Variants in LARP6 observed in about 807,000 individuals in gnomAD.
The protein encoded by LARP6 is La ribonucleoprotein 6, translational regulator.
LARP6 carries 18 observed loss-of-function variants against 32.8 expected under a neutral mutation model. That is an observed-to-expected ratio of 0.55 (90% confidence interval 0.38 to 0.81). The LOEUF (loss-of-function observed/expected upper bound fraction) is 0.81, where lower values mean the gene tolerates loss of function less well. Ranked by LOEUF, LARP6 falls within the 40% of genes least tolerant of loss-of-function variation. LARP6 has a pLI of 0.00. For missense variants in LARP6, 598 were observed against 663.1 expected, an observed-to-expected ratio of 0.90 and a Z score of 1.08; for synonymous variants, 289 against 267.2, an observed-to-expected ratio of 1.08 and a Z score of -0.80.
chr15:70,832,572 G>A lies in LARP6; in HGVS notation c.956C>T (p.Ser319Phe). 6.3e-7 allele frequency: 1 copy of A among 1,577,934 alleles called. No individual in the cohort carries two copies. The highest frequency in any genetic ancestry group is 8.6e-7 in the Non-Finnish European group (1 of 1,166,260). ...AAGCTCCTCGACTCTCTTGTTCAGGGACTTGTTCAGGTGGATGCTCGCAGT... is the reference window on the plus strand; with the variant it reads ...AAGCTCCTCGACTCTCTTGTTCAGGAACTTGTTCAGGTGGATGCTCGCAGT... ...EPTASIHLNKSLNKRVEELQY... is the reference protein window; with the variant it reads ...EPTASIHLNKFLNKRVEELQY... The change falls in exon 3 of 3, where the codon TCC becomes TTC. Residue 319 changes from serine (S) to phenylalanine (F), a missense_variant. Around this residue, in one of 3 missense-constraint regions of LARP6, gnomAD observed 368 missense variants for 397.9 expected, o/e 0.92. Coordinates refer to ENST00000299213, the MANE Select transcript of LARP6 (RefSeq NM_018357.4).
At chr15:70,835,039 T>C (rs1430559634) in intron 2 of LARP6, among the ~76,000 whole-genome samples, 1 of 152,182 alleles carries the variant, frequency 6.6e-6, no homozygotes, top group African/African-American at 2.4e-5. Flanking sequence ...TTGGGGTCCC[T>C]GGGGAGGAAT....
chr15:70,831,460 A>T lies in LARP6; in HGVS notation c.*592T>A, dbSNP rs531214095. ...GAAAGATGTCTCTGCTAAGCTCCTC[A>T]GGGCCTCATGACATACCACCCACAG... is the stretch of plus-strand genomic sequence containing the variant. On this transcript the variant is annotated 3_prime_UTR_variant, in exon 3 of 3. Coordinates refer to ENST00000299213, the MANE Select transcript of LARP6 (RefSeq NM_018357.4). The T allele has an allele frequency of 1.3e-5, 2 of 152,340 alleles. No homozygotes were observed. Among genetic ancestry groups the T allele is most frequent in the South Asian group, 4.1e-4 (2 of 4,826 alleles). The allele number at this position is 152,340 out of a possible 1,614,324, so 9.4% of individuals were successfully genotyped here.
chr15:70,837,731 C>T (rs2032174149), intron 1 of LARP6, among the ~76,000 whole-genome samples: 1 of 152,154 alleles, frequency 6.6e-6, no homozygotes, highest in Admixed American at 6.5e-5. Context: ...AGCCATCTGC[C>T]TTGGCCTCCC....
rs1180547829 is a variant in LARP6, at chr15:70,854,123, C to A, written c.-35G>T. ...GACTGCGGCGCCGCCGGGGTCCTCA[C>A]GCCGCAAGGCCCAGCCAGCCGGTCG... On this transcript the variant is annotated 5_prime_UTR_variant, in exon 1 of 3. Transcript: ENST00000299213. 33 of 1,222,804 alleles carry A rather than the reference C, an allele frequency of 2.7e-5. No homozygotes were observed. Among genetic ancestry groups the A allele is most frequent in the Non-Finnish European group, 3.2e-5 (31 of 978,992 alleles). 75.7% of individuals were successfully genotyped at this position (1,222,804 alleles called of 1,614,324 possible). A position where few individuals can be genotyped will look rare whatever the true frequency, so the allele number is the denominator to read the frequency against.
intron 1 of LARP6, among the ~76,000 whole-genome samples, chr15:70,844,895 A>G (rs1351152745): frequency 6.6e-6 from 1 of 152,184 alleles, no homozygotes; most frequent in Non-Finnish European, 1.5e-5. Flanking sequence ...TTTTGTTTCA[A>G]CATCATCACC....
Position 70,832,862 on chromosome 15 carries a change from C to A in LARP6, c.666G>T (p.Gly222=). Residue 222 remains glycine, a synonymous_variant, in exon 3 of 3, where the codon GGG becomes GGT. Transcript: ENST00000299213. ...GCACTGATGAGATGACTCCAAAAGT[C>A]CCAAAAAGCTTGAGCAGGTGTTCCA... ...KVMEHLLKLF[G]TFGVISSVRI... is the part of the protein sequence containing the mutation. 6.2e-7 allele frequency: 1 copy of A among 1,611,966 alleles called. No individual in the cohort carries two copies. Among genetic ancestry groups the A allele is most frequent in the Non-Finnish European group, 8.5e-7 (1 of 1,179,328 alleles).
At chr15:70,849,930 T>TA (rs918216802) in intron 1 of LARP6, among the ~76,000 whole-genome samples, 19 of 151,686 alleles carry the variant, frequency 1.3e-4, no homozygotes, top group South Asian at 8.3e-4. Flanking sequence ...AAGCTTTTTT[T>TA]AAAAAAAAAT....
intron 1 of LARP6, among the ~76,000 whole-genome samples, chr15:70,837,563 T>C (rs1048934601): frequency 3.3e-5 from 5 of 152,184 alleles, no homozygotes; most frequent in African/African-American, 1.2e-4. Context: ...GGTAAGATCA[T>C]CCATATTTAT....
chr15:70,847,450 A>G (rs1037991680), intron 1 of LARP6, among the ~76,000 whole-genome samples: 28 of 151,876 alleles, frequency 1.8e-4, no homozygotes, highest in African/African-American at 6.8e-4. Flanking sequence ...GCTCACTGCA[A>G]CCTCTGCCTC....
At chr15:70,853,833 G>A in intron 1 of LARP6, 56 bp downstream of exon 1, 6 of 1,181,542 alleles carry the variant, frequency 5.1e-6, no homozygotes, top group East Asian at 3.5e-5. Context: ...CCCCGAACTC[G>A]CGCGCGGCCC....
chr15:70,843,649 C>CTTTTTTTTTTTTT (rs67996815), intron 1 of LARP6, among the ~76,000 whole-genome samples: 2 of 80,590 alleles, frequency 2.5e-5, no homozygotes, highest in Admixed American at 1.9e-4. Context: ...GTTTTGGTGT[C>CTTTTTTTTTTTTT]TTTTTTTTTT....
At chr15:70,834,258 A>G (rs2032107849) in intron 2 of LARP6, among the ~76,000 whole-genome samples, 1 of 152,214 alleles carries the variant, frequency 6.6e-6, no homozygotes, top group Admixed American at 6.5e-5. Flanking sequence ...GAGAGAGAGC[A>G]CTGTCCACTG....
intron 1 of LARP6, among the ~76,000 whole-genome samples, chr15:70,845,928 G>A (rs974740100): frequency 5.3e-5 from 8 of 152,344 alleles, no homozygotes; most frequent in Admixed American, 1.3e-4. Context: ...CTAGATCTCC[G>A]TAGTGAGCTC....
At chr15:70,837,028 C>A (rs1464219070) in intron 1 of LARP6, among the ~76,000 whole-genome samples, 2 of 152,050 alleles carry the variant, frequency 1.3e-5, no homozygotes, top group Non-Finnish European at 2.9e-5. Context: ...GAGGTTTGCC[C>A]CCAAACAGCT....
chr15:70,851,566 G>A (rs138632994), intron 1 of LARP6: 2 of 1,565,182 alleles, frequency 1.3e-6, no homozygotes, highest in East Asian at 2.4e-5. Context: ...TCTAGGGAAG[G>A]GGAAACACAA....
At chr15:70,838,120 T>C (rs138916583) in intron 1 of LARP6, among the ~76,000 whole-genome samples, 2 of 152,330 alleles carry the variant, frequency 1.3e-5, no homozygotes, top group East Asian at 3.9e-4. Flanking sequence ...GTTAAATCTG[T>C]AGTGTCATGG....
intron 1 of LARP6, among the ~76,000 whole-genome samples, chr15:70,837,288 T>A (rs921832070): frequency 3.3e-5 from 5 of 151,724 alleles, no homozygotes; most frequent in Non-Finnish European, 5.9e-5. Flanking sequence ...GAGGCTGAGG[T>A]GGGAGGAGAG....
chr15:70,845,707 C>G (rs1193695352), intron 1 of LARP6, among the ~76,000 whole-genome samples: 2 of 152,228 alleles, frequency 1.3e-5, no homozygotes, highest in African/African-American at 4.8e-5. Context: ...ACAAAAGGTA[C>G]ATGCTGCTTT....
In LARP6 at chr15:70,832,247, G is replaced by A; in HGVS notation, c.1281C>T (p.Pro427=). Residue 427 remains proline (P), a synonymous_variant, in exon 3 of 3, where the codon CCC becomes CCT. Transcript: ENST00000299213. ...MDYSSDSSVT[P]SGSPWVRRRR... ...GCCTCCGGACCCAGGGGCTGCCAGA[G>A]GGAGTGACGCTGCTGTCAGAGGAAT... 6.2e-7 allele frequency: 1 copy of A among 1,614,190 alleles called. No homozygotes were observed. The highest frequency in any genetic ancestry group is 8.5e-7 in the Non-Finnish European group (1 of 1,180,032).
Sources: allele counts gnomAD v4.1 joint callset (sites outside exome capture counted in the v4.1 genomes callset), GRCh38; gene constraint gnomAD v4.1.1; regional missense constraint gnomAD v4.1.1; transcripts MANE v1.5; gene names NCBI Gene and HGNC (gene_info 2026-07-23, HGNC 2026-07-21).